NMT2: variants seen among roughly 807,000 people sequenced by gnomAD.
NMT2 encodes the protein glycylpeptide N-tetradecanoyltransferase 2.
Under a neutral mutation model 65.4 loss-of-function variants are expected in NMT2, and 35 were observed. The ratio of observed to expected loss-of-function variants is 0.54; its 90% CI spans 0.41 to 0.71. NMT2 has a LOEUF of 0.71. NMT2 is among the 30% of genes least tolerant of loss of function. NMT2 has a pLI of 0.00. For missense variants in NMT2, 489 were observed against 611.3 expected (o/e 0.80, Z 2.11); for synonymous variants, 226 against 231.8 (o/e 0.98, Z 0.23).
At chr10:15,142,750 T>C (rs1164457660) in intron 1 of NMT2, among the ~76,000 whole-genome samples, 1 of 152,238 alleles carries the variant, frequency 6.6e-6, no homozygotes, top group Non-Finnish European at 1.5e-5. Flanking sequence ...TGTGCTATCA[T>C]GATGTTTATA....
At chr10:15,112,723 AGTAAGAT>A (rs1845603479) in intron 10 of NMT2, 66 bp downstream of exon 10, 2 of 1,383,824 alleles carry the variant, frequency 1.4e-6, no homozygotes. Context: ...AAGAAAACAC[AGTAAGAT>A]GTCTTCTATA....
At chr10:15,141,393 CAG>C in intron 2 of NMT2, 27 bp downstream of exon 2, 1 of 1,612,918 alleles carries the variant, frequency 6.2e-7, no homozygotes, top group Non-Finnish European at 8.5e-7. Flanking sequence ...AGAAACCACA[CAG>C]AGGAAAAAAT....
chr10:15,122,423 CTT>C (rs1034503298), intron 8 of NMT2, among the ~76,000 whole-genome samples: 28 of 145,768 alleles, frequency 1.9e-4, no homozygotes, highest in East Asian at 9.9e-4. Flanking sequence ...CTTTTACACT[CTT>C]TTTTTTTTTT....
Position 15,112,869 on chromosome 10 carries a change from T to C in NMT2, c.1265A>G (p.Tyr422Cys). 2.5e-6 allele frequency: 4 copies of C among 1,613,972 alleles called. No homozygotes were observed. The highest frequency in any genetic ancestry group is 3.4e-6 in the Non-Finnish European group (4 of 1,179,994). The stretch of plus-strand genomic sequence containing the variant: ...CTCTGTGTGGATGTTGTAGAATGAG[T>C]AGGCGGCTTTGAGGCTCTTGTGAGC... ...HPAHKSLKAA[Y>C]SFYNIHTETP... The change falls in exon 10 of 12, where the codon TAC becomes TGC. Residue 422 changes from tyrosine to cysteine, a missense_variant. Coordinates refer to ENST00000378165, the MANE Select transcript of NMT2 (RefSeq NM_004808.3).
intron 8 of NMT2, among the ~76,000 whole-genome samples, chr10:15,120,373 G>A (rs141174076): frequency 1.0e-3 from 159 of 152,258 alleles, no homozygotes; most frequent in African/African-American, 3.6e-3. Flanking sequence ...CAGGAGAATC[G>A]TTTGAAACTG....
chr10:15,148,079 C>T (rs900034208), intron 1 of NMT2, among the ~76,000 whole-genome samples: 6 of 152,222 alleles, frequency 3.9e-5, no homozygotes, highest in African/African-American at 1.4e-4. Context: ...CTGGCCAGGA[C>T]TGCAGGCATT....
At chr10:15,109,984 A>T in intron 10 of NMT2, 145 bp from the exon 11 acceptor site, 1 of 642,796 alleles carries the variant, frequency 1.6e-6, no homozygotes, top group Non-Finnish European at 2.5e-6. Context: ...TAGGTTAAGA[A>T]TTCAGGGCCG....
chr10:15,154,602 T>C (rs1226564255), intron 1 of NMT2, among the ~76,000 whole-genome samples: 1 of 152,310 alleles, frequency 6.6e-6, no homozygotes, highest in Admixed American at 6.5e-5. Context: ...TTTTTGTTAG[T>C]TTTTATTTCA....
At chr10:15,129,545 G>A (rs1046023161) in intron 7 of NMT2, among the ~76,000 whole-genome samples, 6 of 152,332 alleles carry the variant, frequency 3.9e-5, no homozygotes, top group African/African-American at 1.4e-4. Flanking sequence ...CTTTGGTGGT[G>A]CTGCAAAGCA....
intron 1 of NMT2, among the ~76,000 whole-genome samples, chr10:15,159,667 A>T (rs1246738656): frequency 1.3e-5 from 2 of 152,194 alleles, no homozygotes; most frequent in Admixed American, 6.5e-5. Flanking sequence ...ACCTCAGGTG[A>T]TCCACCCGCC....
intron 9 of NMT2, among the ~76,000 whole-genome samples, chr10:15,118,407 C>T (rs1057099222): frequency 3.9e-5 from 6 of 152,076 alleles, no homozygotes; most frequent in Admixed American, 1.3e-4. Context: ...GGCATGGTGG[C>T]GCACGCCTGT....
chr10:15,119,541 C>T, intron 8 of NMT2, 28 bp from the exon 9 acceptor site: 1 of 1,605,906 alleles, frequency 6.2e-7, no homozygotes, highest in Non-Finnish European at 8.5e-7. Flanking sequence ...AAAACAAATC[C>T]AGAAGTTCAG....
chr10:15,135,439 A>ACAGAATATG, intron 2 of NMT2, 21 bp from the exon 3 acceptor site: 1 of 1,613,176 alleles, frequency 6.2e-7, no homozygotes, highest in East Asian at 2.2e-5. Context: ...AAAGACAGAC[A>ACAGAATATG]CAGAATATGA....
chr10:15,111,509 C>CAAA (rs58537120), intron 10 of NMT2, among the ~76,000 whole-genome samples: 25 of 52,632 alleles, frequency 4.7e-4, no homozygotes, highest in African/African-American at 9.3e-4. Context: ...AGACTCATCT[C>CAAA]AAAAAAAAAA....
At position 15,114,831 on chromosome 10, in the gene NMT2, C is replaced by T. The variant is rs1845693130; in HGVS notation, c.1171-1868G>A. 2.0e-5 allele frequency among the ~76,000 whole-genome samples: 3 copies of T among 152,060 alleles called. No homozygotes were observed. The South Asian group carries it at 6.2e-4, about 32-fold the overall frequency. On this transcript the variant is annotated intron_variant, in intron 9 of 11. Transcript: ENST00000378165. ...CAGCCTGGCCAACGTGGTGAAACCC[C>T]GTCTCTACTAAAATACAAAACATTA... is the stretch of plus-strand genomic sequence containing the variant.
chr10:15,119,865 C>CA (rs1845867126), intron 8 of NMT2, among the ~76,000 whole-genome samples: 1 of 152,146 alleles, frequency 6.6e-6, no homozygotes, highest in Non-Finnish European at 1.5e-5. Context: ...CGCCAATACC[C>CA]AAAACACACC....
chr10:15,117,484 CACG>C (rs1260320267), intron 9 of NMT2, among the ~76,000 whole-genome samples: 3 of 152,184 alleles, frequency 2.0e-5, no homozygotes, highest in Admixed American at 2.0e-4. Flanking sequence ...CCATCAAGAA[CACG>C]ACGAGGATGA....
chr10:15,125,955 G>A (rs546894091), intron 8 of NMT2, among the ~76,000 whole-genome samples: 10 of 151,714 alleles, frequency 6.6e-5, no homozygotes, highest in African/African-American at 1.2e-4. Context: ...GTGAGCCACC[G>A]CGCCTGGCCG....
In NMT2 at chr10:15,130,317, G is replaced by T. The variant is rs1846234039; in HGVS notation, c.720-5C>A. ...ATTTCTACCATCTTCTTCACACTAA[G>T]AAATAAAGATGGTGAAGATTAAGAG... On this transcript the variant is annotated splice_region_variant and splice_polypyrimidine_tract_variant and intron_variant, in intron 6 of 11. Transcript: ENST00000378165. 1 of 1,553,522 alleles carries T rather than the reference G, an allele frequency of 6.4e-7. No individual in the cohort carries two copies. Among genetic ancestry groups the T allele is most frequent in the African/African-American group, 1.4e-5 (1 of 72,626 alleles).
Sources: gnomAD v4.1 joint callset for allele counts (sites outside exome capture counted in the v4.1 genomes callset) on GRCh38, gnomAD v4.1.1 for gene constraint, MANE v1.5 for transcripts, NCBI Gene and HGNC (gene_info 2026-07-23, HGNC 2026-07-21) for gene names.